Variants in KIF2A observed in about 807,000 individuals in gnomAD.
KIF2A encodes kinesin family member 2A.
KIF2A carries 22 observed loss-of-function variants against 100.2 expected under a neutral mutation model. The observed-to-expected ratio is 0.22, with a 90% CI of 0.16 to 0.31. The LOEUF (loss-of-function observed/expected upper bound fraction) is 0.31. Ranked by LOEUF, KIF2A falls within the 10% of genes least tolerant of loss-of-function variation. KIF2A has a pLI of 1.00. For missense variants in KIF2A, 495 were observed against 898.7 expected (o/e 0.55, Z 5.74); for synonymous variants, 268 against 285.9 (o/e 0.94, Z 0.63).
intron 1 of KIF2A, among the ~76,000 whole-genome samples, chr5:62,335,438 CTT>C (rs541559930): frequency 6.6e-4 from 101 of 152,290 alleles, no homozygotes; most frequent in African/African-American, 2.4e-3. Flanking sequence ...CTCAGATCCT[CTT>C]TGTAGCATGA....
At chr5:62,318,094 T>A (rs1745910880) in intron 1 of KIF2A, among the ~76,000 whole-genome samples, 1 of 152,182 alleles carries the variant, frequency 6.6e-6, no homozygotes, top group African/African-American at 2.4e-5. Context: ...TGGACTTTTT[T>A]TTTTTTGGAG....
chr5:62,362,371 C>T (rs1748452505), intron 11 of KIF2A, 79 bp from the exon 12 acceptor site: 2 of 590,046 alleles, frequency 3.4e-6, no homozygotes, highest in Non-Finnish European at 2.8e-6. Context: ...TAACTGATTC[C>T]TCTAGAAATA....
At chr5:62,370,372 C>T (rs1472099837) in intron 16 of KIF2A, among the ~76,000 whole-genome samples, 1 of 152,122 alleles carries the variant, frequency 6.6e-6, no homozygotes, top group Non-Finnish European at 1.5e-5. Context: ...CAGCTCACTG[C>T]AGCCTCTGAC....
At chr5:62,356,551 A>G (rs527808141) in intron 7 of KIF2A, among the ~76,000 whole-genome samples, 1 of 152,352 alleles carries the variant, frequency 6.6e-6, no homozygotes, top group African/African-American at 2.4e-5. Flanking sequence ...TATTATTAAA[A>G]TGAGGCATGT....
intron 12 of KIF2A, among the ~76,000 whole-genome samples, chr5:62,362,847 C>T (rs1008912086): frequency 6.6e-5 from 10 of 152,116 alleles, no homozygotes; most frequent in Admixed American, 5.9e-4. Context: ...TTTTAATTGC[C>T]ACAGGATCTC....
chr5:62,353,423 G>A, intron 6 of KIF2A, 48 bp downstream of exon 6: 1 of 907,366 alleles, frequency 1.1e-6, no homozygotes, highest in Non-Finnish European at 1.6e-6. Context: ...CCAGAGATTA[G>A]ATTATATCAG....
At chr5:62,326,568 T>A (rs771049927) in intron 1 of KIF2A, among the ~76,000 whole-genome samples, 1 of 152,198 alleles carries the variant, frequency 6.6e-6, no homozygotes, top group Non-Finnish European at 1.5e-5. Flanking sequence ...CCACTTGTAC[T>A]CTGGATCTTG....
At chr5:62,316,088 A>C (rs532197734) in intron 1 of KIF2A, among the ~76,000 whole-genome samples, 8 of 152,342 alleles carry the variant, frequency 5.3e-5, no homozygotes, top group Admixed American at 3.3e-4. Context: ...GGTAATATCA[A>C]AGAGAGCATC....
At position 62,389,485 on chromosome 5, in the gene KIF2A, C is replaced by CAAAAAAAAAAAAAAAAAAAAAAAAAA. The variant is rs775533413; in HGVS notation, c.*3932_*3933insAAAAAAAAAAAAAAAAAAAAAAAAAA. On this transcript the variant is annotated 3_prime_UTR_variant, in exon 21 of 21. Coordinates refer to ENST00000407818, the MANE Select transcript of KIF2A (RefSeq NM_001098511.3). Reference sequence around the variant, plus strand: ...TGGGTGACAGAGCAAGACTCTGTCTCAAAAAAAAAAAAAAAAGAAATGTTA... The same window carrying CAAAAAAAAAAAAAAAAAAAAAAAAAA: ...TGGGTGACAGAGCAAGACTCTGTCTCAAAAAAAAAAAAAAAAAAAAAAAAAAAAAAAAAAAAAAAAAAGAAATGTTA... 2.6e-5 allele frequency among the ~76,000 whole-genome samples: 2 copies of CAAAAAAAAAAAAAAAAAAAAAAAAAA among 75,918 alleles called. No homozygotes were observed. Among genetic ancestry groups the CAAAAAAAAAAAAAAAAAAAAAAAAAA allele is most frequent in the African/African-American group, 1.1e-4 (2 of 17,548 alleles). 49.8% of individuals were successfully genotyped at this position (75,918 alleles called of 152,430 possible). A position where few individuals can be genotyped will look rare whatever the true frequency, so the allele number is the denominator to read the frequency against.
chr5:62,340,095 C>T (rs1747215339), intron 1 of KIF2A, among the ~76,000 whole-genome samples: 1 of 151,886 alleles, frequency 6.6e-6, no homozygotes, highest in African/African-American at 2.4e-5. Flanking sequence ...ACCACCATGC[C>T]CAGCTAATTT....
At chr5:62,342,694 C>A (rs923689941) in intron 1 of KIF2A, among the ~76,000 whole-genome samples, 3 of 151,998 alleles carry the variant, frequency 2.0e-5, no homozygotes, top group Non-Finnish European at 4.4e-5. Flanking sequence ...CAGCCACTTC[C>A]TTCATAGGTT....
At position 62,355,263 on chromosome 5, in the gene KIF2A, C is replaced by G. The variant is rs768764714; in HGVS notation, c.654+9C>G. The G allele has an allele frequency of 4.1e-5, 55 of 1,343,472 alleles. 1 individual carries two copies. Among genetic ancestry groups the G allele is most frequent in the Middle Eastern group, 3.7e-4 (2 of 5,380 alleles). The allele number at this position is 1,343,472 out of a possible 1,614,324, so 83.2% of individuals were successfully genotyped here. A position where few individuals can be genotyped will look rare whatever the true frequency, so the allele number is the denominator to read the frequency against. On this transcript the variant is annotated intron_variant, in intron 7 of 20. Transcript: ENST00000407818. ...TAACAACAGCAGATCCTGTAAGATT[C>G]TTTGTAAACCATTATTCTGGAACTT...
intron 1 of KIF2A, among the ~76,000 whole-genome samples, chr5:62,345,567 G>A (rs1747522409): frequency 6.6e-6 from 1 of 152,112 alleles, no homozygotes; most frequent in Non-Finnish European, 1.5e-5. Flanking sequence ...GCAGGCCAAG[G>A]CAGGTGGATT....
chr5:62,376,545 G>T (rs922225100), intron 18 of KIF2A, among the ~76,000 whole-genome samples: 1 of 151,630 alleles, frequency 6.6e-6, no homozygotes, highest in Non-Finnish European at 1.5e-5. Flanking sequence ...TCAGCCTCCC[G>T]AGTAGCTGGG....
At chr5:62,359,424 T>C (rs983167874) in intron 9 of KIF2A, among the ~76,000 whole-genome samples, 1 of 151,896 alleles carries the variant, frequency 6.6e-6, no homozygotes, top group South Asian at 2.1e-4. Context: ...CCAACTCTTT[T>C]TGTCTTCACC....
intron 1 of KIF2A, among the ~76,000 whole-genome samples, chr5:62,315,249 C>CAAAAAAAAAAAAAA (rs765995590): frequency 1.5e-5 from 1 of 66,540 alleles, no homozygotes; most frequent in Non-Finnish European, 2.9e-5. Context: ...AAAAACAGAC[C>CAAAAAAAAAAAAAA]AAAAAAAAAA....
In KIF2A at chr5:62,390,757, T is replaced by G. The variant is rs1742271815; in HGVS notation, c.*5188T>G. 1.3e-6 allele frequency: 1 copy of G among 760,670 alleles called. No individual in the cohort carries two copies. Among genetic ancestry groups the G allele is most frequent in the Non-Finnish European group, 2.3e-6 (1 of 435,118 alleles). The allele number at this position is 760,670 out of a possible 1,614,324, so 47.1% of individuals were successfully genotyped here. A position where few individuals can be genotyped will look rare whatever the true frequency, so the allele number is the denominator to read the frequency against. On this transcript the variant is annotated 3_prime_UTR_variant, in exon 21 of 21. Transcript: ENST00000407818. ...CAAATACTATTCCATGCCATGGAAG[T>G]GCTATGCAATAACTCTCCCAGGTAG...
At position 62,361,421 on chromosome 5, in the gene KIF2A, T is replaced by C. The variant is rs760232847; in HGVS notation, c.964-45T>C. 6.3e-6 allele frequency: 9 copies of C among 1,437,832 alleles called. 1 individual carries two copies. The South Asian group carries it at 1.1e-4, about 17-fold the overall frequency. The allele number at this position is 1,437,832 out of a possible 1,614,324, so 89.1% of individuals were successfully genotyped here. ...TTCTGTGAACTAAATTCTTAAGAGT[T>C]ATTCCTGAGTAATGTCTGTTCTTTA... is the stretch of plus-strand genomic sequence containing the variant. On this transcript the variant is annotated intron_variant, in intron 10 of 20. Transcript: ENST00000407818.
intron 1 of KIF2A, among the ~76,000 whole-genome samples, chr5:62,328,898 T>G (rs570024728): frequency 1.3e-5 from 2 of 152,312 alleles, no homozygotes; most frequent in East Asian, 3.9e-4. Flanking sequence ...CAACGGGCCC[T>G]TCTAAATAAT....
Sources: allele counts gnomAD v4.1 joint callset (sites outside exome capture counted in the v4.1 genomes callset), GRCh38; gene constraint gnomAD v4.1.1; transcripts MANE v1.5; gene names NCBI Gene and HGNC (gene_info 2026-07-23, HGNC 2026-07-21).